Variants in ZNF518A observed in about 807,000 individuals in gnomAD.
The protein encoded by ZNF518A is zinc finger protein 518A, also known as zinc finger protein 518.
A neutral mutation model predicts 102.7 loss-of-function variants in ZNF518A; 47 were observed. The ratio of observed to expected loss-of-function variants is 0.46; its 90% confidence interval spans 0.36 to 0.58. ZNF518A has a LOEUF of 0.58. ZNF518A is among the 20% of genes least tolerant of loss of function. The probability of loss-of-function intolerance (pLI) is 0.00; values close to 1 mark genes in which losing one functional copy is unlikely to be tolerated. For missense variants in ZNF518A, 1,793 were observed against 1,699.8 expected (o/e 1.05, Z -0.96); for synonymous variants, 652 against 594.6 (o/e 1.10, Z -1.40).
At chr10:96,153,408 C>G (rs1453529785) in intron 3 of ZNF518A, among the ~76,000 whole-genome samples, 3 of 152,076 alleles carry the variant, frequency 2.0e-5, no homozygotes, top group Non-Finnish European at 2.9e-5. Flanking sequence ...AAGTTGATAC[C>G]TAAAATTAAC....
downstream of ZNF518A, among the ~76,000 whole-genome samples, chr10:96,167,335 TC>T (rs1207903767): frequency 2.0e-5 from 3 of 151,918 alleles, no homozygotes; most frequent in Non-Finnish European, 2.9e-5. Context: ...GCGCCTGTAG[TC>T]CCAGCTACTC....
At chr10:96,136,576 T>C (rs143386662) in intron 3 of ZNF518A, among the ~76,000 whole-genome samples, 1 of 151,802 alleles carries the variant, frequency 6.6e-6, no homozygotes, top group Non-Finnish European at 1.5e-5. Flanking sequence ...TCCCAGCACA[T>C]TGAGCAGCTG....
intron 3 of ZNF518A, among the ~76,000 whole-genome samples, chr10:96,134,790 T>C (rs1419466643): frequency 2.0e-5 from 3 of 152,240 alleles, no homozygotes; most frequent in Admixed American, 1.3e-4. Flanking sequence ...AGGTACATGA[T>C]GTGAAGTTTC....
intron 1 of ZNF518A, among the ~76,000 whole-genome samples, chr10:96,178,239 G>A (rs1222085178): frequency 6.6e-6 from 1 of 152,060 alleles, no homozygotes; most frequent in African/African-American, 2.4e-5. Context: ...TAAAAGGATT[G>A]AATTCATGCA....
chr10:96,195,020 C>G (rs1456622236), intron 1 of ZNF518A, among the ~76,000 whole-genome samples: 1 of 151,878 alleles, frequency 6.6e-6, no homozygotes, highest in Non-Finnish European at 1.5e-5. Context: ...CCGCCCGTCT[C>G]GGCCTCCCAA....
In ZNF518A at chr10:96,160,091, A is replaced by C; in HGVS notation, c.3769A>C (p.Lys1257Gln). 1 of 1,608,164 alleles carries C rather than the reference A, an allele frequency of 6.2e-7. No individual in the cohort carries two copies. The change falls in exon 6 of 6, where the codon AAA becomes CAA. Residue 1257 changes from lysine (K) to glutamine (Q), a missense_variant. Coordinates refer to ENST00000316045, the MANE Select transcript of ZNF518A (RefSeq NM_001330736.2). ...AAAGACTTCCAAAAAAATTTTTTCAAAAACAAAAACTCATGGAAGTAAAGA... is the reference window on the plus strand; with the variant it reads ...AAAGACTTCCAAAAAAATTTTTTCACAAACAAAAACTCATGGAAGTAAAGA... ...RKKTSKKIFS[K>Q]TKTHGSKDSE...
chr10:96,129,778 T>A (rs1175950221), upstream of ZNF518A: 1 of 152,258 alleles, frequency 6.6e-6, no homozygotes, highest in African/African-American at 2.4e-5. Flanking sequence ...TGGTGTCTAC[T>A]CTGAAGAGCA....
At chr10:96,192,376 TTTTA>T (rs2083350298) in intron 1 of ZNF518A, among the ~76,000 whole-genome samples, 3 of 152,182 alleles carry the variant, frequency 2.0e-5, no homozygotes, top group Admixed American at 6.5e-5. Context: ...GTATATTGCT[TTTTA>T]TTTACCGTTA....
downstream of ZNF518A, among the ~76,000 whole-genome samples, chr10:96,166,780 G>C (rs587651748): frequency 1.3e-5 from 2 of 152,138 alleles, no homozygotes; most frequent in South Asian, 4.2e-4. Context: ...AAGAAAGAAA[G>C]GATCAGGGAA....
intron 2 of ZNF518A, among the ~76,000 whole-genome samples, chr10:96,133,188 A>G (rs2081426280): frequency 6.6e-6 from 1 of 152,190 alleles, no homozygotes. Context: ...AAGTGGCATT[A>G]AAGTCTTCTG....
intron 3 of ZNF518A, among the ~76,000 whole-genome samples, chr10:96,141,143 C>T (rs1012895871): frequency 6.6e-6 from 1 of 152,160 alleles, no homozygotes; most frequent in Non-Finnish European, 1.5e-5. Flanking sequence ...CTTGTGTACC[C>T]AGCCTTCTGG....
chr10:96,179,842 C>CCTT (rs139762736), intron 1 of ZNF518A, among the ~76,000 whole-genome samples: 44,546 of 148,120 alleles, frequency 0.3, 7,815 homozygotes, highest in East Asian at 0.66. Context: ...TCCTCCTCAT[C>CCTT]CTTCTTCTTT....
intron 1 of ZNF518A, among the ~76,000 whole-genome samples, chr10:96,188,193 G>T (rs185212722): frequency 3.9e-5 from 6 of 152,224 alleles, no homozygotes; most frequent in Admixed American, 6.5e-5. Context: ...CACTTGCAGA[G>T]GTGGGCTTTA....
chr10:96,149,311 G>A (rs1554879658), intron 3 of ZNF518A, among the ~76,000 whole-genome samples: 2 of 152,214 alleles, frequency 1.3e-5, no homozygotes, highest in South Asian at 2.1e-4. Flanking sequence ...GAAAAAAAGG[G>A]GATATGAGGT....
rs2081637932 is a variant in ZNF518A, at chr10:96,137,145, C to A, written c.-302+3497C>A. 2.6e-5 allele frequency among the ~76,000 whole-genome samples: 4 copies of A among 152,222 alleles called. No homozygotes were observed. In the South Asian group the frequency reaches 6.2e-4, roughly 24 times the overall value. ...CTTTATTTATCCTCCCCTCTAGTTA[C>A]TATAGATGGATCATGTTTGCTCCTT... On this transcript the variant is annotated intron_variant, in intron 3 of 5. Coordinates refer to ENST00000316045, the MANE Select transcript of ZNF518A (RefSeq NM_001330736.2).
chr10:96,159,421 T>C lies in ZNF518A; in HGVS notation c.3099T>C (p.Ser1033=). 1.2e-6 allele frequency: 2 copies of C among 1,613,810 alleles called. No individual in the cohort carries two copies. The highest frequency in any genetic ancestry group is 1.7e-6 in the Non-Finnish European group (2 of 1,179,790). Residue 1033 remains serine, a synonymous_variant, in exon 6 of 6, where the codon AGT becomes AGC. Coordinates refer to ENST00000316045, the MANE Select transcript of ZNF518A (RefSeq NM_001330736.2). ...CTGGACTTTGTTCCAGCATTGGCAG[T>C]TGTTTGAGCATGAAAAGTAGCTCAG... ...LTPGLCSSIG[S]CLSMKSSSEN... is the part of the protein sequence containing the mutation.
intron 3 of ZNF518A, among the ~76,000 whole-genome samples, chr10:96,136,126 C>G (rs900499873): frequency 1.3e-5 from 2 of 151,832 alleles, no homozygotes; most frequent in Non-Finnish European, 2.9e-5. Flanking sequence ...TTTGGAAAGC[C>G]AAGCAGAAAT....
rs782425642 is a variant in ZNF518A at position 96,158,142 on chromosome 10, C to T, written c.1820C>T (p.Pro607Leu). ...SPDKVNCVAK[P>L]NAYNSGDMHN... ...GATAAAGTCAACTGTGTTGCCAAAC[C>T]AAATGCATACAACAGTGGAGATATG... The change falls in exon 6 of 6, where the codon CCA (proline) becomes CTA (leucine). Residue 607 changes from proline (P) to leucine (L), a missense_variant. Physicochemically the swap from Pro to Leu is moderately conservative, Grantham distance 98. Coordinates refer to ENST00000316045, the MANE Select transcript of ZNF518A (RefSeq NM_001330736.2). The T allele has an allele frequency of 2.5e-6, 4 of 1,613,358 alleles. No homozygotes were observed. In the African/African-American group the frequency reaches 5.3e-5, roughly 22 times the overall value.
intron 3 of ZNF518A, among the ~76,000 whole-genome samples, chr10:96,136,198 AATTTC>A (rs1822715452): frequency 6.6e-6 from 1 of 151,992 alleles, no homozygotes; most frequent in South Asian, 2.1e-4. Flanking sequence ...CTTTTCATAT[AATTTC>A]ATTTTTGTAT....
Sources: allele counts gnomAD v4.1 joint callset (sites outside exome capture counted in the v4.1 genomes callset), GRCh38; gene constraint gnomAD v4.1.1; transcripts MANE v1.5; gene names NCBI Gene and HGNC (gene_info 2026-07-23, HGNC 2026-07-21).